The following PHF3 variants were observed in gnomAD, a reference collection of about 807,000 sequenced individuals.
PHF3 encodes PHD finger protein 3.
Under a neutral mutation model 178.4 loss-of-function variants are expected in PHF3, and 41 were observed. The observed-to-expected ratio is 0.23, with a 90% CI of 0.18 to 0.30. PHF3 has a LOEUF of 0.30. PHF3 is among the 10% of genes least tolerant of loss of function. The pLI, the probability that PHF3 is intolerant of heterozygous loss-of-function variation, is 1.00. For synonymous variants in PHF3, 842 were observed against 800.5 expected, an observed-to-expected ratio of 1.05 and a Z score of -0.88; for missense variants, 2,346 against 2,398.1, an observed-to-expected ratio of 0.98 and a Z score of 0.45.
In PHF3 at chr6:63,720,866, A is replaced by G; in HGVS notation, c.*7158A>G. 6.4e-7 allele frequency: 1 copy of G among 1,551,192 alleles called. No homozygotes were observed. Among genetic ancestry groups the G allele is most frequent in the Non-Finnish European group, 8.7e-7 (1 of 1,146,622 alleles). ...GACTGTTATTTATGTAGGCCTTGAT[A>G]AGAGTCTGATTTTGAATTACAACTA... On this transcript the variant is annotated 3_prime_UTR_variant, in exon 16 of 16. Coordinates refer to ENST00000262043, the MANE Select transcript of PHF3 (RefSeq NM_001370348.2).
At chr6:63,652,735 CGT>C (rs1561942132) in intron 2 of PHF3, among the ~76,000 whole-genome samples, 1 of 152,030 alleles carries the variant, frequency 6.6e-6, no homozygotes, top group African/African-American at 2.4e-5. Flanking sequence ...GGTTTAGTTT[CGT>C]TTTTCTGCAC....
rs1437865326 is a variant in PHF3 at position 63,725,227 on chromosome 6, T to C, written c.*11519T>C. On this transcript the variant is annotated 3_prime_UTR_variant, in exon 16 of 16. Coordinates refer to ENST00000262043, the MANE Select transcript of PHF3 (RefSeq NM_001370348.2). ...ATGGCATAAAAAAGGAAACTCTTGA[T>C]TGTCTTGAACTACATGCATTGAATA... Among the ~76,000 whole-genome samples the C allele has an allele frequency of 2.0e-5, 3 of 152,146 alleles. No individual in the cohort carries two copies. The highest frequency in any genetic ancestry group is 2.0e-4 in the Admixed American group (3 of 15,276).
At chr6:63,646,184 A>G (rs1056090504) in intron 1 of PHF3, among the ~76,000 whole-genome samples, 2 of 152,178 alleles carry the variant, frequency 1.3e-5, no homozygotes, top group African/African-American at 2.4e-5. Flanking sequence ...GTTAAAAACA[A>G]TAGTTTTTAT....
chr6:63,643,115 G>A (rs1681939), intron 1 of PHF3, among the ~76,000 whole-genome samples: 21,228 of 151,670 alleles, frequency 0.14, 1,588 homozygotes, highest in African/African-American at 0.19. Flanking sequence ...TGATTTTACC[G>A]GTTTTTTTTT....
At chr6:63,696,196 C>T (rs988691147) in intron 6 of PHF3, among the ~76,000 whole-genome samples, 1 of 152,172 alleles carries the variant, frequency 6.6e-6, no homozygotes, top group Non-Finnish European at 1.5e-5. Flanking sequence ...ATACTCTGGT[C>T]TCAAGCATTT....
At chr6:63,696,971 G>T (rs562899155) in intron 6 of PHF3, among the ~76,000 whole-genome samples, 7 of 152,214 alleles carry the variant, frequency 4.6e-5, no homozygotes, top group South Asian at 2.1e-4. Context: ...AACAAATGCC[G>T]TAGTAGTTAG....
chr6:63,642,304 G>A (rs1279689958), intron 1 of PHF3, among the ~76,000 whole-genome samples: 1 of 152,180 alleles, frequency 6.6e-6, no homozygotes, highest in East Asian at 1.9e-4. Context: ...AGCTTCCAGA[G>A]TTTCACCTTC....
At chr6:63,654,088 G>C (rs1164919964) in intron 2 of PHF3, among the ~76,000 whole-genome samples, 1 of 151,906 alleles carries the variant, frequency 6.6e-6, no homozygotes, top group Non-Finnish European at 1.5e-5. Context: ...TTCTTTTTTT[G>C]TTGTGTTTTT....
chr6:63,723,915 G>A lies in PHF3; in HGVS notation c.*10207G>A, dbSNP rs1413901215. Among the ~76,000 whole-genome samples the A allele has an allele frequency of 1.3e-5, 2 of 151,400 alleles. No homozygotes were observed. Among genetic ancestry groups the A allele is most frequent in the East Asian group, 1.9e-4 (1 of 5,170 alleles). On this transcript the variant is annotated 3_prime_UTR_variant, in exon 16 of 16. Coordinates refer to ENST00000262043, the MANE Select transcript of PHF3 (RefSeq NM_001370348.2). ...CGGCTCACTGCAACCTCCATCTCCC[G>A]GGCTGCCTCAGTTTCCCGAGTATCT... is the stretch of plus-strand genomic sequence containing the variant.
rs575711552 is a variant in PHF3 at position 63,702,225 on chromosome 6, C to A, written c.3100-283C>A. 10 of 179,596 alleles carry A rather than the reference C, an allele frequency of 5.6e-5. No homozygotes were observed. In the East Asian group the frequency reaches 1.2e-3, roughly 21 times the overall value. The allele number at this position is 179,596 out of a possible 1,614,324, so 11.1% of individuals were successfully genotyped here. A position where few individuals can be genotyped will look rare whatever the true frequency, so the allele number is the denominator to read the frequency against. ...TTCAAATACAAATAGTATGTTTCAC[C>A]ACTTTGCAAATTACTTTGGACTTCA... On this transcript the variant is annotated intron_variant, in intron 9 of 15. Coordinates refer to ENST00000262043, the MANE Select transcript of PHF3 (RefSeq NM_001370348.2).
At chr6:63,702,309 T>C in intron 9 of PHF3, 199 bp from the exon 10 acceptor site, 1 of 306,334 alleles carries the variant, frequency 3.3e-6, no homozygotes, top group Non-Finnish European at 6.1e-6. Context: ...CGGGGTCTAA[T>C]TCTTATAACC....
chr6:63,694,524 A>G, intron 5 of PHF3, 57 bp from the exon 6 acceptor site: 1 of 1,254,050 alleles, frequency 8.0e-7, no homozygotes, highest in South Asian at 2.0e-5. Flanking sequence ...GTACGTCTTA[A>G]AAAACAAAGA....
At chr6:63,673,172 T>C (rs1561955691) in intron 2 of PHF3, among the ~76,000 whole-genome samples, 1 of 152,150 alleles carries the variant, frequency 6.6e-6, no homozygotes, top group African/African-American at 2.4e-5. Context: ...ATTAACACTT[T>C]AACATGGCTA....
In PHF3 at chr6:63,712,434, T is replaced by G. The variant is rs1340165573; in HGVS notation, c.4846T>G (p.Cys1616Gly). Residue 1616 changes from cysteine (C) to glycine (G), a missense_variant, in exon 16 of 16, where the codon TGC becomes GGC. Around this residue, in one of 8 missense-constraint regions of PHF3, gnomAD observed 839 missense variants for 806.9 expected, o/e 1.04. Coordinates refer to ENST00000262043, the MANE Select transcript of PHF3 (RefSeq NM_001370348.2). ...QDNQTSNSSP[C>G]RSNVGKGNID... Reference sequence around the variant, plus strand: ...TAACCAGACTTCAAATAGTTCTCCATGCAGATCTAATGTAGGAAAAGGAAA... The same window carrying G: ...TAACCAGACTTCAAATAGTTCTCCAGGCAGATCTAATGTAGGAAAAGGAAA... The G allele has an allele frequency of 6.2e-7, 1 of 1,614,008 alleles. No homozygotes were observed.
intron 1 of PHF3, among the ~76,000 whole-genome samples, chr6:63,644,854 A>G (rs1478363961): frequency 2.7e-5 from 4 of 149,668 alleles, no homozygotes; most frequent in African/African-American, 4.9e-5. Context: ...TCCTTTCCCT[A>G]TTCGTGGCCC....
intron 2 of PHF3, among the ~76,000 whole-genome samples, chr6:63,655,105 T>G (rs1214747602): frequency 6.6e-6 from 1 of 151,842 alleles, no homozygotes; most frequent in African/African-American, 2.4e-5. Flanking sequence ...CTCTTGTTGC[T>G]CAGGCTGTAG....
chr6:63,645,234 G>A (rs780943920), intron 1 of PHF3, among the ~76,000 whole-genome samples: 5 of 152,126 alleles, frequency 3.3e-5, no homozygotes, highest in Non-Finnish European at 5.9e-5. Context: ...CCTTAGCTCA[G>A]TGTGAAAGGG....
At chr6:63,641,374 G>A (rs1200935442) in intron 1 of PHF3, among the ~76,000 whole-genome samples, 3 of 152,114 alleles carry the variant, frequency 2.0e-5, no homozygotes, top group Non-Finnish European at 2.9e-5. Context: ...TTTCTTGAGC[G>A]ATATTAGTCT....
rs1344714766 is a variant in PHF3 at position 63,719,292 on chromosome 6, A to G, written c.*5584A>G. Among the ~76,000 whole-genome samples the G allele has an allele frequency of 6.6e-6, 1 of 152,118 alleles. No individual in the cohort carries two copies. Among genetic ancestry groups the G allele is most frequent in the Non-Finnish European group, 1.5e-5 (1 of 67,972 alleles). On this transcript the variant is annotated 3_prime_UTR_variant, in exon 16 of 16. Coordinates refer to ENST00000262043, the MANE Select transcript of PHF3 (RefSeq NM_001370348.2). ...ACCTCGTTACTTTGTATAGACTGGAATCTGCACAGAAATGTGTATTCATCA... is the reference window on the plus strand; with the variant it reads ...ACCTCGTTACTTTGTATAGACTGGAGTCTGCACAGAAATGTGTATTCATCA...
Sources: gnomAD v4.1 joint callset for allele counts (sites outside exome capture counted in the v4.1 genomes callset) on GRCh38, gnomAD v4.1.1 for gene constraint, gnomAD v4.1.1 regional missense constraint, MANE v1.5 for transcripts, NCBI Gene and HGNC (gene_info 2026-07-23, HGNC 2026-07-21) for gene names.